The following MAP3K2 variants were observed in gnomAD, a reference collection of about 807,000 sequenced individuals.
MAP3K2 encodes mitogen-activated protein kinase kinase kinase 2, also known as MAP/ERK kinase kinase 2.
A neutral mutation model predicts 80.3 loss-of-function variants in MAP3K2; 24 were observed. That is an observed-to-expected ratio of 0.30 (90% confidence interval 0.22 to 0.42). The LOEUF is 0.42. MAP3K2 is among the 10% of genes least tolerant of loss of function. The pLI is 1.00. For synonymous variants in MAP3K2, 244 were observed against 253.7 expected, an observed-to-expected ratio of 0.96 and a Z score of 0.36; for missense variants, 608 against 750.1, an observed-to-expected ratio of 0.81 and a Z score of 2.21.
rs1685787915 is a variant in MAP3K2 at position 127,310,432 on chromosome 2, T to C, written c.1457-1670A>G. On this transcript the variant is annotated intron_variant, in intron 15 of 16. Transcript: ENST00000682094. This position sits in a 1 kb window ranked among gnomAD's most constrained non-coding sequence, Gnocchi z 4.8. ...GGGAGGCAAAGGTGGGTGGATCGCT[T>C]GAGCTCAGGAATTCAAGGCCAGCCT... 6.6e-6 allele frequency among the ~76,000 whole-genome samples: 1 copy of C among 152,140 alleles called. No individual in the cohort carries two copies. Among genetic ancestry groups the C allele is most frequent in the Non-Finnish European group, 1.5e-5 (1 of 68,018 alleles).
chr2:127,373,254 G>A (rs986010208), intron 1 of MAP3K2, among the ~76,000 whole-genome samples: 1 of 152,132 alleles, frequency 6.6e-6, no homozygotes, highest in African/African-American at 2.4e-5. Context: ...CCCCAACAGA[G>A]CCAGTGATTT....
chr2:127,336,329 CTG>C (rs1686371004), intron 4 of MAP3K2, among the ~76,000 whole-genome samples: 1 of 152,136 alleles, frequency 6.6e-6, no homozygotes, highest in Non-Finnish European at 1.5e-5. Flanking sequence ...TGAAATGAAA[CTG>C]TTAAAAAGAA....
intron 15 of MAP3K2, among the ~76,000 whole-genome samples, chr2:127,314,367 A>G (rs1191965160): frequency 6.6e-6 from 1 of 152,214 alleles, no homozygotes; most frequent in Non-Finnish European, 1.5e-5. Context: ...TCATTTAAGA[A>G]TGAGGAACTG....
At chr2:127,333,128 T>C (rs1686291678) in intron 5 of MAP3K2, among the ~76,000 whole-genome samples, 1 of 128,412 alleles carries the variant, frequency 7.8e-6, no homozygotes, top group African/African-American at 2.9e-5. Context: ...GGAGATGCTG[T>C]CTCAAAAAAA....
chr2:127,369,522 T>G (rs1363779530), intron 1 of MAP3K2, among the ~76,000 whole-genome samples: 1 of 148,606 alleles, frequency 6.7e-6, no homozygotes, highest in East Asian at 2.0e-4. Context: ...AAAAAATGAC[T>G]TCATCTTAGA....
At chr2:127,384,391 T>G (rs1687308451) in intron 1 of MAP3K2, among the ~76,000 whole-genome samples, 1 of 152,188 alleles carries the variant, frequency 6.6e-6, no homozygotes, top group Admixed American at 6.5e-5. Context: ...CTGACAGATC[T>G]GAGCAAAGTA....
intron 1 of MAP3K2, among the ~76,000 whole-genome samples, chr2:127,352,524 C>T (rs967762216): frequency 1.3e-5 from 2 of 152,182 alleles, no homozygotes; most frequent in African/African-American, 4.8e-5. Context: ...CTTGAAGAAA[C>T]ATCACCTATA....
At position 127,330,425 on chromosome 2, in the gene MAP3K2, G is replaced by C; in HGVS notation, c.345C>G (p.Leu115=). Residue 115 remains leucine, a synonymous_variant, in exon 6 of 17, where the codon CTC becomes CTG. Coordinates refer to ENST00000682094, the MANE Select transcript of MAP3K2 (RefSeq NM_001371910.2). The part of the protein sequence containing the change: ...LLDRSIHMKS[L]KILLVINGST... ...TTCCATTTATTACAAGTAATATCTT[G>C]AGGCTCTTCATATGAATACTACGAT... The C allele has an allele frequency of 6.2e-7, 1 of 1,604,956 alleles. No homozygotes were observed. Among genetic ancestry groups the C allele is most frequent in the Non-Finnish European group, 8.5e-7 (1 of 1,174,510 alleles).
intron 12 of MAP3K2, among the ~76,000 whole-genome samples, chr2:127,318,686 T>C (rs1333342189): frequency 1.3e-5 from 2 of 152,220 alleles, no homozygotes; most frequent in African/African-American, 4.8e-5. Context: ...CCACCTACAA[T>C]GTAGAAAGCT....
At chr2:127,358,105 A>C (rs1057451336) in intron 1 of MAP3K2, among the ~76,000 whole-genome samples, 2 of 152,230 alleles carry the variant, frequency 1.3e-5, no homozygotes, top group Non-Finnish European at 2.9e-5. Flanking sequence ...GAATATCTAA[A>C]GTACTCTTAC....
At chr2:127,385,705 G>A (rs1449763468) in intron 1 of MAP3K2, among the ~76,000 whole-genome samples, 1 of 152,160 alleles carries the variant, frequency 6.6e-6, no homozygotes. Flanking sequence ...GAGGTGGGGG[G>A]AAATAGCTCC....
At chr2:127,372,618 T>C (rs1423846725) in intron 1 of MAP3K2, among the ~76,000 whole-genome samples, 3 of 152,148 alleles carry the variant, frequency 2.0e-5, no homozygotes, top group African/African-American at 7.2e-5. Flanking sequence ...CTCATGCCCT[T>C]CCCTGTTAAC....
rs1201757788 is a variant in MAP3K2 at position 127,300,380 on chromosome 2, G to C, written c.*7199C>G. On this transcript the variant is annotated 3_prime_UTR_variant, in exon 17 of 17. Coordinates refer to ENST00000682094, the MANE Select transcript of MAP3K2 (RefSeq NM_001371910.2). ...TCAACTGAGATTAAAAACATTTAGA[G>C]AGAAACCAATAGGTTAAATATAGAG... 1 of 152,076 alleles carries C rather than the reference G, an allele frequency of 6.6e-6. No homozygotes were observed. Among genetic ancestry groups the C allele is most frequent in the Non-Finnish European group, 1.5e-5 (1 of 67,974 alleles). 9.4% of individuals were successfully genotyped at this position (152,076 alleles called of 1,614,324 possible). A position where few individuals can be genotyped will look rare whatever the true frequency, so the allele number is the denominator to read the frequency against.
At chr2:127,340,486 G>A (rs896522450) in intron 2 of MAP3K2, among the ~76,000 whole-genome samples, 6 of 152,034 alleles carry the variant, frequency 3.9e-5, no homozygotes, top group Non-Finnish European at 8.8e-5. Flanking sequence ...GTGAAACCCC[G>A]TCTCCACTAA....
At chr2:127,375,262 C>A (rs1224294605) in intron 1 of MAP3K2, among the ~76,000 whole-genome samples, 2 of 152,048 alleles carry the variant, frequency 1.3e-5, no homozygotes, top group African/African-American at 2.4e-5. Context: ...ACCCATAGCC[C>A]CGAACAATGT....
intron 1 of MAP3K2, among the ~76,000 whole-genome samples, chr2:127,386,741 G>GT (rs1361946379): frequency 1.3e-5 from 2 of 152,142 alleles, no homozygotes; most frequent in Non-Finnish European, 2.9e-5. Flanking sequence ...AAACTAAACT[G>GT]TATCTGTCTA....
intron 2 of MAP3K2, 117 bp downstream of exon 2, chr2:127,343,009 G>T: frequency 2.9e-6 from 2 of 698,936 alleles, no homozygotes; most frequent in Non-Finnish European, 4.8e-6. Flanking sequence ...TCATAAATCT[G>T]CTATATCATA....
intron 1 of MAP3K2, 98 bp downstream of exon 1, chr2:127,387,354 C>T (rs1687374390): frequency 2.5e-6 from 1 of 393,768 alleles, no homozygotes; most frequent in Non-Finnish European, 3.4e-6. Flanking sequence ...CCGCCGCCAG[C>T]CCCCCTCCCG....
At chr2:127,383,908 C>G (rs1487095672) in intron 1 of MAP3K2, among the ~76,000 whole-genome samples, 2 of 144,602 alleles carry the variant, frequency 1.4e-5, no homozygotes, top group African/African-American at 5.2e-5. Context: ...GAGTCTCGCT[C>G]TGTCACCCAG....
Sources: gnomAD v4.1 joint callset for allele counts (sites outside exome capture counted in the v4.1 genomes callset) on GRCh38, gnomAD v4.1.1 for gene constraint, Gnocchi (gnomAD v3.1) non-coding constraint, MANE v1.5 for transcripts, NCBI Gene and HGNC (gene_info 2026-07-23, HGNC 2026-07-21) for gene names.